CTNNA3: variants seen among roughly 807,000 people sequenced by gnomAD.
The protein encoded by CTNNA3 is catenin alpha 3.
Under a neutral mutation model 95.7 loss-of-function variants are expected in CTNNA3, and 76 were observed. That is an observed-to-expected ratio of 0.79 (90% CI 0.66 to 0.96). The LOEUF (loss-of-function observed/expected upper bound fraction) is 0.96, where lower values mean the gene tolerates loss of function less well. Among genes scored for constraint, CTNNA3 ranks in the 40% least tolerant of loss-of-function variants. The pLI is 0.00. For missense variants in CTNNA3, 1,191 were observed against 1,089.8 expected (o/e 1.09, Z -1.31); for synonymous variants, 431 against 374.4 (o/e 1.15, Z -1.74).
chr10:67,365,991 G>T (rs147492280), intron 5 of CTNNA3, among the ~76,000 whole-genome samples: 5,298 of 152,296 alleles, frequency 0.035, 285 homozygotes, highest in East Asian at 0.24. Flanking sequence ...GTCCAACAAT[G>T]ATAGACTGGA....
At chr10:66,034,760 A>G (rs1295456520) in intron 15 of CTNNA3, among the ~76,000 whole-genome samples, 2 of 152,182 alleles carry the variant, frequency 1.3e-5, no homozygotes, top group African/African-American at 4.8e-5. Flanking sequence ...GTTTTAGCCA[A>G]TTAAAGCTCA....
At chr10:66,126,380 A>G (rs2082831091) in intron 13 of CTNNA3, among the ~76,000 whole-genome samples, 1 of 152,234 alleles carries the variant, frequency 6.6e-6, no homozygotes, top group Non-Finnish European at 1.5e-5. Flanking sequence ...ATGTTTAGCT[A>G]AATATAGATA....
At chr10:67,252,065 A>G (rs1866129969) in intron 5 of CTNNA3, among the ~76,000 whole-genome samples, 1 of 151,774 alleles carries the variant, frequency 6.6e-6, no homozygotes, top group African/African-American at 2.4e-5. Context: ...ACAAAAATTA[A>G]CCGGGCATGG....
intron 10 of CTNNA3, among the ~76,000 whole-genome samples, chr10:66,621,409 A>C (rs1321948279): frequency 6.6e-6 from 1 of 151,916 alleles, no homozygotes; most frequent in African/African-American, 2.4e-5. Flanking sequence ...AGATCACTTG[A>C]GGTCAGGAGT....
At chr10:67,180,711 A>G (rs186237252) in intron 6 of CTNNA3, among the ~76,000 whole-genome samples, 191 bp from the exon 7 acceptor site, 4 of 152,282 alleles carry the variant, frequency 2.6e-5, no homozygotes, top group Non-Finnish European at 4.4e-5. Flanking sequence ...AAGTGATGCA[A>G]TTATGAGCTT....
chr10:66,612,242 G>C (rs867430947), intron 10 of CTNNA3, among the ~76,000 whole-genome samples: 7 of 152,092 alleles, frequency 4.6e-5, no homozygotes, highest in South Asian at 4.2e-4. Flanking sequence ...TTCAGATCCT[G>C]ACTTCTGCAT....
chr10:66,360,455 A>G (rs915139959), intron 12 of CTNNA3, among the ~76,000 whole-genome samples: 5 of 152,286 alleles, frequency 3.3e-5, no homozygotes, highest in African/African-American at 1.2e-4. Context: ...GTATTTGAAT[A>G]TGACATCTGA....
chr10:66,908,562 C>A (rs1264351437), intron 7 of CTNNA3, among the ~76,000 whole-genome samples: 1 of 152,006 alleles, frequency 6.6e-6, no homozygotes, highest in African/African-American at 2.4e-5. Flanking sequence ...ATGCTGAATA[C>A]TACTTAGGTT....
chr10:66,364,883 A>C (rs1017408133), intron 12 of CTNNA3, among the ~76,000 whole-genome samples: 1 of 152,160 alleles, frequency 6.6e-6, no homozygotes, highest in South Asian at 2.1e-4. Flanking sequence ...ATGTCTCTAA[A>C]ATGATGAAAC....
intron 6 of CTNNA3, among the ~76,000 whole-genome samples, chr10:67,185,115 A>G (rs1862770913): frequency 6.6e-6 from 1 of 151,252 alleles, no homozygotes; most frequent in South Asian, 2.1e-4. Flanking sequence ...TTTTCTTCCT[A>G]TTTTTCTTTT....
At chr10:66,404,360 C>T (rs911638640) in intron 11 of CTNNA3, among the ~76,000 whole-genome samples, 4 of 152,154 alleles carry the variant, frequency 2.6e-5, no homozygotes, top group Admixed American at 2.6e-4. Context: ...TAAACTCGTT[C>T]ACTACTGCAA....
chr10:67,174,076 G>A (rs1862133685), intron 7 of CTNNA3, among the ~76,000 whole-genome samples: 2 of 152,048 alleles, frequency 1.3e-5, no homozygotes, highest in Admixed American at 6.6e-5. Context: ...TTGACACTTT[G>A]GAATATTCTC....
At chr10:66,516,771 GA>G (rs1840873767) in intron 11 of CTNNA3, among the ~76,000 whole-genome samples, 1 of 152,176 alleles carries the variant, frequency 6.6e-6, no homozygotes, top group African/African-American at 2.4e-5. Flanking sequence ...AGAAACTGAT[GA>G]AAATCATCTG....
chr10:66,810,520 G>C (rs1411863683), intron 7 of CTNNA3, among the ~76,000 whole-genome samples: 1 of 152,068 alleles, frequency 6.6e-6, no homozygotes, highest in Non-Finnish European at 1.5e-5. Flanking sequence ...ACTTATTTTA[G>C]GTTCTCAATA....
At chr10:67,176,041 T>C (rs1410889392) in intron 7 of CTNNA3, among the ~76,000 whole-genome samples, 1 of 152,166 alleles carries the variant, frequency 6.6e-6, no homozygotes, top group Non-Finnish European at 1.5e-5. Context: ...TAGAAATATA[T>C]ATATCCCTAA....
At chr10:66,797,717 T>C (rs893527202) in intron 7 of CTNNA3, among the ~76,000 whole-genome samples, 2 of 151,962 alleles carry the variant, frequency 1.3e-5, no homozygotes, top group African/African-American at 2.4e-5. Context: ...AAAGTGTCTG[T>C]GATTGTCCTT....
intron 9 of CTNNA3, among the ~76,000 whole-genome samples, chr10:66,730,501 C>T (rs77515939): frequency 3.7e-3 from 563 of 152,232 alleles, no homozygotes; most frequent in Middle Eastern, 6.8e-3. Flanking sequence ...TTAATGGATT[C>T]TGGGCTTACT....
chr10:66,814,397 G>A (rs1329852500), intron 7 of CTNNA3, among the ~76,000 whole-genome samples: 1 of 152,124 alleles, frequency 6.6e-6, no homozygotes, highest in Non-Finnish European at 1.5e-5. Flanking sequence ...TAGGGGTCAA[G>A]CCTATGATGA....
At chr10:67,657,484 G>C (rs1363928950) in intron 1 of CTNNA3, among the ~76,000 whole-genome samples, 5 of 152,112 alleles carry the variant, frequency 3.3e-5, no homozygotes, top group Non-Finnish European at 7.4e-5. Flanking sequence ...GTGATATTCA[G>C]AGTATGACTG....
Sources: allele counts gnomAD v4.1 joint callset (sites outside exome capture counted in the v4.1 genomes callset), GRCh38; gene constraint gnomAD v4.1.1; transcripts MANE v1.5; gene names NCBI Gene and HGNC (gene_info 2026-07-23, HGNC 2026-07-21).